Variants in ASTN2 observed in about 807,000 individuals in gnomAD.
ASTN2 encodes the protein astrotactin-2.
A neutral mutation model predicts 139.8 loss-of-function variants in ASTN2; 54 were observed. The observed-to-expected ratio is 0.39, with a 90% CI of 0.31 to 0.48. The LOEUF is 0.48. ASTN2 is among the 20% of genes least tolerant of loss of function. The probability of loss-of-function intolerance (pLI) is 0.95; values close to 1 mark genes in which losing one functional copy is unlikely to be tolerated. For synonymous variants in ASTN2, 756 were observed against 719.5 expected (o/e 1.05, Z -0.81); for missense variants, 1,565 against 1,725.1 (o/e 0.91, Z 1.64).
intron 13 of ASTN2, among the ~76,000 whole-genome samples, chr9:116,755,240 T>C (rs539746464): frequency 1.3e-5 from 2 of 152,326 alleles, no homozygotes; most frequent in African/African-American, 4.8e-5. Context: ...CCTTATGTTA[T>C]GGGCTGAATT....
rs1860639098 is a variant in ASTN2, at chr9:116,692,807, A to G, written c.2806+32964T>C. Among the ~76,000 whole-genome samples, 3 of 152,162 alleles carry G rather than the reference A, an allele frequency of 2.0e-5. No homozygotes were observed. In the South Asian group the frequency reaches 6.2e-4, roughly 32 times the overall value. On this transcript the variant is annotated intron_variant, in intron 16 of 22. Coordinates refer to ENST00000313400, the MANE Select transcript of ASTN2 (RefSeq NM_001365068.1). ...TCCCCTTTTGCCCAGGCTGAAGTAC[A>G]GTAGCATCATCACAGCTCACTGCAA...
At chr9:117,303,803 T>G (rs1454236584) in intron 1 of ASTN2, among the ~76,000 whole-genome samples, 1 of 152,218 alleles carries the variant, frequency 6.6e-6, no homozygotes, top group African/African-American at 2.4e-5. Flanking sequence ...GGTGAGTCTG[T>G]TTTTCCTCCC....
At chr9:117,403,986 G>A (rs1830912502) in intron 1 of ASTN2, among the ~76,000 whole-genome samples, 1 of 152,102 alleles carries the variant, frequency 6.6e-6, no homozygotes, top group South Asian at 2.1e-4. Context: ...GGAGGGGAAA[G>A]GAAATTTACA....
intron 4 of ASTN2, among the ~76,000 whole-genome samples, chr9:117,100,830 G>A (rs1031379618): frequency 6.6e-6 from 1 of 152,224 alleles, no homozygotes; most frequent in African/African-American, 2.4e-5. Context: ...CAAGGCACTT[G>A]GAGTCTAGTT....
chr9:116,509,044 A>G (rs188106008), intron 19 of ASTN2, among the ~76,000 whole-genome samples: 1 of 152,252 alleles, frequency 6.6e-6, no homozygotes, highest in East Asian at 1.9e-4. Context: ...GTTCTAGGGT[A>G]CATGCGTACA....
intron 2 of ASTN2, among the ~76,000 whole-genome samples, chr9:117,241,981 A>G (rs1217403066): frequency 7.2e-6 from 1 of 138,816 alleles, no homozygotes; most frequent in African/African-American, 2.6e-5. Context: ...GAAATTTGAC[A>G]GTGAAAACTT....
chr9:116,610,203 G>A (rs934290285), intron 19 of ASTN2, among the ~76,000 whole-genome samples: 27 of 152,066 alleles, frequency 1.8e-4, no homozygotes, highest in East Asian at 9.6e-4. Flanking sequence ...CCAACTTTAC[G>A]GTCTAAACAC....
At chr9:116,656,981 G>A (rs151141155) in intron 16 of ASTN2, among the ~76,000 whole-genome samples, 2 of 152,328 alleles carry the variant, frequency 1.3e-5, no homozygotes, top group East Asian at 1.9e-4. Flanking sequence ...CATTAAGGGA[G>A]AGGGGAAAGG....
Position 117,117,088 on chromosome 9 carries a change from A to G in ASTN2, c.1169-20937T>C, listed in dbSNP as rs538665807. On this transcript the variant is annotated intron_variant, in intron 4 of 22. Coordinates refer to ENST00000313400, the MANE Select transcript of ASTN2 (RefSeq NM_001365068.1). ...TGCTTAAGCATGGGGACTGGTGGTGATAACAGTGAGGTTTTCACAGCAGTC... is the reference window on the plus strand; with the variant it reads ...TGCTTAAGCATGGGGACTGGTGGTGGTAACAGTGAGGTTTTCACAGCAGTC... Among the ~76,000 whole-genome samples, 282 of 152,214 alleles carry G rather than the reference A, an allele frequency of 1.9e-3. 1 individual carries two copies. The highest frequency in any genetic ancestry group is 6.4e-3 in the African/African-American group (266 of 41,564).
chr9:116,634,575 G>C (rs1856971768), intron 17 of ASTN2, among the ~76,000 whole-genome samples: 1 of 135,206 alleles, frequency 7.4e-6, no homozygotes, highest in Non-Finnish European at 1.5e-5. Context: ...GGGCGACAGA[G>C]CGAGACTCCG....
intron 13 of ASTN2, among the ~76,000 whole-genome samples, chr9:116,784,965 A>G: frequency 6.6e-6 from 1 of 151,912 alleles, no homozygotes; most frequent in Non-Finnish European, 1.5e-5. Flanking sequence ...AGGAGCAAGA[A>G]ATGGATATTT....
chr9:116,460,532 C>T (rs1848455352), intron 20 of ASTN2, among the ~76,000 whole-genome samples: 2 of 152,044 alleles, frequency 1.3e-5, no homozygotes, highest in Admixed American at 1.3e-4. Flanking sequence ...CAACATCTCC[C>T]ACCCCAACCC....
intron 1 of ASTN2, among the ~76,000 whole-genome samples, chr9:117,366,106 C>T (rs565224228): frequency 1.5e-4 from 23 of 152,206 alleles, no homozygotes; most frequent in African/African-American, 3.1e-4. Flanking sequence ...AACCTAGCAC[C>T]GCTGCTACAT....
intron 2 of ASTN2, among the ~76,000 whole-genome samples, chr9:117,276,376 T>C (rs1296947565): frequency 6.6e-6 from 1 of 152,150 alleles, no homozygotes. Flanking sequence ...GGCCCAGACC[T>C]TCCCTGCAAG....
intron 16 of ASTN2, among the ~76,000 whole-genome samples, chr9:116,669,309 A>G (rs948219286): frequency 3.1e-4 from 47 of 152,194 alleles, no homozygotes; most frequent in Admixed American, 7.9e-4. Context: ...CACACTGCCT[A>G]TGGAGTAGCC....
intron 2 of ASTN2, among the ~76,000 whole-genome samples, chr9:117,244,556 G>GGGAA (rs201530744): frequency 8.6e-6 from 1 of 115,700 alleles, no homozygotes. Context: ...TAGGACAGTG[G>GGGAA]GGAAGGAAGG....
chr9:117,397,315 A>G (rs1198589290), intron 1 of ASTN2, among the ~76,000 whole-genome samples: 2 of 152,178 alleles, frequency 1.3e-5, no homozygotes, highest in Non-Finnish European at 2.9e-5. Flanking sequence ...AAAATTTATG[A>G]ACATCCAAGA....
At chr9:116,657,578 C>T (rs914826106) in intron 16 of ASTN2, among the ~76,000 whole-genome samples, 2 of 152,328 alleles carry the variant, frequency 1.3e-5, no homozygotes, top group South Asian at 2.1e-4. Context: ...CGGTGGCTCA[C>T]GCCTGTAATC....
intron 1 of ASTN2, among the ~76,000 whole-genome samples, chr9:117,339,953 G>A (rs369117626): frequency 7.9e-5 from 12 of 151,556 alleles, no homozygotes; most frequent in African/African-American, 2.2e-4. Flanking sequence ...ATACCATAGC[G>A]TTTTATTTAG....
Sources: allele counts gnomAD v4.1 joint callset (sites outside exome capture counted in the v4.1 genomes callset), GRCh38; gene constraint gnomAD v4.1.1; transcripts MANE v1.5; gene names NCBI Gene and HGNC (gene_info 2026-07-23, HGNC 2026-07-21).